Variants in PHIP observed in about 807,000 individuals in gnomAD.
The protein encoded by PHIP is PHIP subunit of CUL4-Ring ligase complex.
PHIP carries 54 observed loss-of-function variants against 236.8 expected under a neutral mutation model. The observed-to-expected ratio is 0.23, with a 90% CI of 0.18 to 0.29. PHIP has a LOEUF of 0.29. Ranked by LOEUF, PHIP falls within the 10% of genes least tolerant of loss-of-function variation. The pLI, the probability that PHIP is intolerant of heterozygous loss-of-function variation, is 1.00. For synonymous variants in PHIP, 756 were observed against 718.9 expected (o/e 1.05, Z -0.83); for missense variants, 1,370 against 2,190.8 (o/e 0.63, Z 7.48).
chr6:78,956,209 T>C (rs1766406560), intron 32 of PHIP: 1 of 152,170 alleles, frequency 6.6e-6, no homozygotes, highest in South Asian at 2.1e-4. Context: ...TGTTCCTTTT[T>C]CTATTTTTCT....
chr6:78,967,192 T>A (rs561477186), intron 27 of PHIP, among the ~76,000 whole-genome samples: 1 of 152,074 alleles, frequency 6.6e-6, no homozygotes, highest in Admixed American at 6.5e-5. Flanking sequence ...TAAAAGAATA[T>A]GATAAAAAAG....
At chr6:79,011,706 G>T (rs549383794) in intron 15 of PHIP, among the ~76,000 whole-genome samples, 15 of 151,766 alleles carry the variant, frequency 9.9e-5, no homozygotes, top group African/African-American at 3.4e-4. Flanking sequence ...AGTTTCTCTG[G>T]AGAATACTAC....
chr6:78,971,801 G>T (rs559206587), intron 24 of PHIP, among the ~76,000 whole-genome samples: 1 of 152,154 alleles, frequency 6.6e-6, no homozygotes, highest in Non-Finnish European at 1.5e-5. Context: ...ACTCCCACCC[G>T]AATACTGCGC....
chr6:79,051,139 A>G (rs182567596), intron 6 of PHIP, among the ~76,000 whole-genome samples: 149 of 152,230 alleles, frequency 9.8e-4, no homozygotes, highest in African/African-American at 3.6e-3. Flanking sequence ...ACAACCAAAT[A>G]CTCATAATTC....
chr6:78,988,735 G>T (rs1769024562), intron 20 of PHIP, among the ~76,000 whole-genome samples: 1 of 146,792 alleles, frequency 6.8e-6, no homozygotes, highest in South Asian at 2.2e-4. Flanking sequence ...CAAAAATGCT[G>T]TTTTTTTTTT....
intron 9 of PHIP, among the ~76,000 whole-genome samples, 183 bp downstream of exon 9, chr6:79,025,336 T>C (rs976647637): frequency 1.3e-5 from 2 of 151,950 alleles, no homozygotes; most frequent in African/African-American, 4.8e-5. Flanking sequence ...GAAACTTTCT[T>C]TGAAACATAA....
In PHIP at chr6:78,990,879, T is replaced by G. The variant is rs762300470; in HGVS notation, c.2308A>C (p.Thr770Pro). The change falls in exon 20 of 40, where the codon ACT (threonine) becomes CCT (proline). Residue 770 changes from threonine to proline, a missense_variant. This residue lies in a region of PHIP where 99 missense variants were observed against 110.0 expected (regional missense o/e 0.90). Transcript: ENST00000275034. ...TAATTAATATGTACCTTTGAGACAG[T>G]GGGTATTTTATTCTCTTTTGGAACA... is the stretch of plus-strand genomic sequence containing the variant. Reference protein sequence around the residue: ...LTVPKENKIPTVSKNHAHEHF... With the variant: ...LTVPKENKIPPVSKNHAHEHF... 1 of 1,554,516 alleles carries G rather than the reference T, an allele frequency of 6.4e-7. No individual in the cohort carries two copies. Among genetic ancestry groups the G allele is most frequent in the South Asian group, 1.1e-5 (1 of 88,444 alleles).
chr6:79,060,845 GGTTTCA>G (rs1319444750), intron 4 of PHIP, 27 bp from the exon 5 acceptor site: 2 of 1,437,396 alleles, frequency 1.4e-6, no homozygotes, highest in Non-Finnish European at 1.9e-6. Context: ...AAATATAGTA[GGTTTCA>G]GTTTATCATT....
intron 13 of PHIP, 117 bp from the exon 14 acceptor site, chr6:79,015,900 T>A: frequency 1.5e-6 from 1 of 645,792 alleles, no homozygotes; most frequent in Non-Finnish European, 2.5e-6. Context: ...CACTTAACAG[T>A]AACTGAGAAG....
chr6:79,057,409 A>C (rs897495103), intron 6 of PHIP, among the ~76,000 whole-genome samples: 2 of 152,156 alleles, frequency 1.3e-5, no homozygotes, highest in Non-Finnish European at 2.9e-5. Flanking sequence ...AGACCAGGTA[A>C]TGCAAAAGTA....
chr6:79,024,809 A>T (rs1254828896), intron 9 of PHIP, among the ~76,000 whole-genome samples: 3 of 152,046 alleles, frequency 2.0e-5, no homozygotes, highest in Non-Finnish European at 2.9e-5. Flanking sequence ...CGTCTCAAAA[A>T]TAAATAAATA....
At chr6:79,064,089 T>C (rs192316883) in intron 4 of PHIP, among the ~76,000 whole-genome samples, 2 of 152,284 alleles carry the variant, frequency 1.3e-5, no homozygotes, top group East Asian at 1.9e-4. Flanking sequence ...TCTACACCTG[T>C]ACCAATTCTG....
chr6:79,000,910 T>A (rs1769947406), intron 17 of PHIP, among the ~76,000 whole-genome samples: 1 of 152,040 alleles, frequency 6.6e-6, no homozygotes, highest in South Asian at 2.1e-4. Flanking sequence ...TAAGTGGACG[T>A]GTCTAATTCC....
At chr6:78,973,674 T>TGG (rs1767795248) in intron 24 of PHIP, among the ~76,000 whole-genome samples, 1 of 149,854 alleles carries the variant, frequency 6.7e-6, no homozygotes, top group South Asian at 2.2e-4. Flanking sequence ...AATAAAAGGA[T>TGG]GGAGGAAGAT....
In PHIP at chr6:78,965,732, G is replaced by C. The variant is rs1267653550; in HGVS notation, c.3350C>G (p.Pro1117Arg). ...ATTAGGTATAAGCTCCATATCCCAA[G>C]GACTCATCTTTTCTGTATCTCCATT... Reference protein sequence around the residue: ...WDNGDTEKMSPWDMELIPNNA... With the variant: ...WDNGDTEKMSRWDMELIPNNA... The change falls in exon 29 of 40, where the codon CCT becomes CGT. Residue 1117 changes from proline (P) to arginine (R), a missense_variant. Physicochemically the swap from Pro to Arg is moderately radical, Grantham distance 103 (BLOSUM62 -2). This residue lies in a region of PHIP where 238 missense variants were observed against 398.5 expected (regional missense o/e 0.60). Coordinates refer to ENST00000275034, the MANE Select transcript of PHIP (RefSeq NM_017934.7). 6.3e-7 allele frequency: 1 copy of C among 1,575,280 alleles called. No homozygotes were observed. Among genetic ancestry groups the C allele is most frequent in the Middle Eastern group, 1.7e-4 (1 of 5,992 alleles).
chr6:79,012,825 A>G (rs1373953547), intron 15 of PHIP, among the ~76,000 whole-genome samples: 2 of 151,712 alleles, frequency 1.3e-5, no homozygotes, highest in Non-Finnish European at 3.0e-5. Context: ...AGAACAAAAG[A>G]GTGAAGAGCA....
intron 9 of PHIP, among the ~76,000 whole-genome samples, chr6:79,021,616 A>G (rs1434191218): frequency 2.0e-5 from 3 of 152,252 alleles, no homozygotes; most frequent in Non-Finnish European, 4.4e-5. Context: ...TAAGTGAAAT[A>G]AGGCAGGCAC....
intron 9 of PHIP, among the ~76,000 whole-genome samples, chr6:79,020,502 T>C (rs554297082): frequency 2.0e-5 from 3 of 152,228 alleles, no homozygotes; most frequent in African/African-American, 7.2e-5. Flanking sequence ...GGCAACTAAA[T>C]GCATTGCTTT....
rs1000047406 is a variant in PHIP, at chr6:78,969,755, C to G, written c.3205+80G>C. On this transcript the variant is annotated intron_variant, in intron 27 of 39. Transcript: ENST00000275034. The stretch of plus-strand genomic sequence containing the variant: ...AAGATTTCTCTGATAATCTTTTTCT[C>G]AATTATGAAAAATAGTAAATCACTT... 25 of 629,230 alleles carry G rather than the reference C, an allele frequency of 4.0e-5. No individual in the cohort carries two copies. In the African/African-American group the frequency reaches 4.7e-4, roughly 12 times the overall value. The allele number at this position is 629,230 out of a possible 1,614,324, so 39.0% of individuals were successfully genotyped here. A position where few individuals can be genotyped will look rare whatever the true frequency, so the allele number is the denominator to read the frequency against.
Sources: gnomAD v4.1 joint callset for allele counts (sites outside exome capture counted in the v4.1 genomes callset) on GRCh38, gnomAD v4.1.1 for gene constraint, gnomAD v4.1.1 regional missense constraint, MANE v1.5 for transcripts, NCBI Gene and HGNC (gene_info 2026-07-23, HGNC 2026-07-21) for gene names.